HS6ST2: variants seen among roughly 807,000 people sequenced by gnomAD.
HS6ST2 encodes heparan-sulfate 6-O-sulfotransferase 2.
A neutral mutation model predicts 33.0 loss-of-function variants in HS6ST2; 17 were observed. That is an observed-to-expected ratio of 0.52 (90% CI 0.35 to 0.77). HS6ST2 has a LOEUF of 0.77. Among genes scored for constraint, HS6ST2 ranks in the 30% least tolerant of loss-of-function variants. The pLI is 0.01. For synonymous variants in HS6ST2, 248 were observed against 237.1 expected (o/e 1.05, Z -0.42); for missense variants, 519 against 551.7 (o/e 0.94, Z 0.59).
Position 132,755,265 on chromosome X carries a change from T to C in HS6ST2, c.948-46771A>G, listed in dbSNP as rs985748775. Reference sequence around the variant, plus strand: ...TCTCAAGTTTTTATACCTTTGGCTGTTGGTAGCTCTTTTAGTTGGCTCCTG... The same window carrying C: ...TCTCAAGTTTTTATACCTTTGGCTGCTGGTAGCTCTTTTAGTTGGCTCCTG... On this transcript the variant is annotated intron_variant, in intron 2 of 4. Coordinates refer to ENST00000370833, the MANE Select transcript of HS6ST2 (RefSeq NM_001394073.1). 4.5e-5 allele frequency among the ~76,000 whole-genome samples: 5 copies of C among 112,232 alleles called. No homozygotes were observed. The Admixed American group carries it at 4.7e-4, about 11-fold the overall frequency.
intron 2 of HS6ST2, among the ~76,000 whole-genome samples, chrX:132,835,345 A>T (rs1307865134): frequency 9.0e-6 from 1 of 111,685 alleles, no homozygotes; most frequent in Non-Finnish European, 1.9e-5. Flanking sequence ...CAGATGAGTG[A>T]TATAACAGAA....
chrX:132,738,832 G>T, intron 2 of HS6ST2, among the ~76,000 whole-genome samples: 1 of 111,883 alleles, frequency 8.9e-6, no homozygotes, highest in East Asian at 2.8e-4. Flanking sequence ...TCTAAGAGAC[G>T]ATGTATGAGG....
At chrX:132,891,425 T>C (rs960986334) in intron 2 of HS6ST2, among the ~76,000 whole-genome samples, 1 of 108,607 alleles carries the variant, frequency 9.2e-6, no homozygotes, top group African/African-American at 3.4e-5. Context: ...AGGGTACATG[T>C]GCACAATGTG....
intron 2 of HS6ST2, among the ~76,000 whole-genome samples, chrX:132,796,288 G>GT (rs750271071): frequency 7.9e-4 from 88 of 111,684 alleles, no homozygotes; most frequent in African/African-American, 2.6e-3. Context: ...ATGAAAGCTC[G>GT]TTAACTATGA....
intron 2 of HS6ST2, among the ~76,000 whole-genome samples, chrX:132,724,973 C>T (rs1394764751): frequency 8.9e-6 from 1 of 111,869 alleles, no homozygotes; most frequent in Non-Finnish European, 1.9e-5. Context: ...AACTAGACCC[C>T]TATTTCTTGC....
In HS6ST2 at chrX:132,777,902, A is replaced by T. The variant is rs188354992; in HGVS notation, c.948-69408T>A. Among the ~76,000 whole-genome samples, 61 of 112,017 alleles carry T rather than the reference A, an allele frequency of 5.4e-4. 1 individual carries two copies. The highest frequency in any genetic ancestry group is 1.9e-3 in the African/African-American group (60 of 30,870). Reference sequence around the variant, plus strand: ...TGTCGATTATGATGGAACTTGAGAGAACAGTTCTCAGTCTTTCATGTTCCA... The same window carrying T: ...TGTCGATTATGATGGAACTTGAGAGTACAGTTCTCAGTCTTTCATGTTCCA... On this transcript the variant is annotated intron_variant, in intron 2 of 4. Coordinates refer to ENST00000370833, the MANE Select transcript of HS6ST2 (RefSeq NM_001394073.1).
intron 2 of HS6ST2, among the ~76,000 whole-genome samples, chrX:132,774,495 A>G: frequency 8.9e-6 from 1 of 111,835 alleles, no homozygotes; most frequent in Non-Finnish European, 1.9e-5. Flanking sequence ...ATCTGGGGAA[A>G]GCCAGAGTGA....
intron 2 of HS6ST2, among the ~76,000 whole-genome samples, chrX:132,787,182 T>A (rs1023722477): frequency 2.4e-4 from 20 of 81,763 alleles, no homozygotes; most frequent in African/African-American, 1.0e-3. Context: ...TATATATATA[T>A]ATATACATAT....
chrX:132,633,497 A>C (rs1233988347), intron 4 of HS6ST2, among the ~76,000 whole-genome samples: 12 of 110,896 alleles, frequency 1.1e-4, no homozygotes, highest in Non-Finnish European at 7.6e-5. Context: ...AAAGTGACAA[A>C]AGGGATTCGG....
chrX:132,884,800 C>G (rs1395856173), intron 2 of HS6ST2, among the ~76,000 whole-genome samples: 1 of 110,917 alleles, frequency 9.0e-6, no homozygotes, highest in African/African-American at 3.3e-5. Flanking sequence ...GATGAAATGA[C>G]TGGTAAGGAG....
intron 2 of HS6ST2, among the ~76,000 whole-genome samples, chrX:132,830,510 T>G (rs1472798180): frequency 8.9e-6 from 1 of 111,862 alleles, no homozygotes; most frequent in African/African-American, 3.3e-5. Flanking sequence ...AGACTCACAT[T>G]TTTTCCACTG....
chrX:132,850,055 C>T (rs2065787783), intron 2 of HS6ST2, among the ~76,000 whole-genome samples: 1 of 112,211 alleles, frequency 8.9e-6, no homozygotes, highest in South Asian at 3.7e-4. Context: ...AGCACCTCCT[C>T]ATTTTCTACA....
At chrX:132,648,829 G>T (rs1300736472) in intron 4 of HS6ST2, among the ~76,000 whole-genome samples, 1 of 111,689 alleles carries the variant, frequency 9.0e-6, no homozygotes, top group Non-Finnish European at 1.9e-5. Flanking sequence ...CCTTGTGAGT[G>T]GCAAACAAAC....
chrX:132,654,965 A>G (rs1305492008), intron 4 of HS6ST2, among the ~76,000 whole-genome samples: 2 of 112,319 alleles, frequency 1.8e-5, no homozygotes, highest in East Asian at 2.8e-4. Flanking sequence ...CCTCCAGCCG[A>G]GTCTCCAGCT....
At chrX:132,896,397 G>C (rs2066375941) in intron 2 of HS6ST2, among the ~76,000 whole-genome samples, 1 of 108,828 alleles carries the variant, frequency 9.2e-6, no homozygotes, top group Admixed American at 9.8e-5. Flanking sequence ...CATAAACCCA[G>C]GAGGCGGAGC....
upstream of HS6ST2, among the ~76,000 whole-genome samples, chrX:132,959,718 C>T (rs1255819878): frequency 8.9e-6 from 1 of 112,441 alleles, no homozygotes; most frequent in African/African-American, 3.2e-5. Context: ...CCTCCTGAGC[C>T]TCAGTTTTCT....
intron 2 of HS6ST2, among the ~76,000 whole-genome samples, chrX:132,927,453 A>G (rs1439890354): frequency 8.9e-6 from 1 of 111,935 alleles, no homozygotes; most frequent in Non-Finnish European, 1.9e-5. Flanking sequence ...AATATGTCGC[A>G]TATCCTACTG....
chrX:132,825,565 C>G (rs2065509260), intron 2 of HS6ST2, among the ~76,000 whole-genome samples: 2 of 111,523 alleles, frequency 1.8e-5, no homozygotes, highest in African/African-American at 6.5e-5. Flanking sequence ...GTTCTGTATT[C>G]AAAATTTTGC....
At chrX:132,713,386 G>A (rs762172801) in intron 2 of HS6ST2, among the ~76,000 whole-genome samples, 17 of 111,676 alleles carry the variant, frequency 1.5e-4, no homozygotes, top group South Asian at 7.6e-4. Context: ...GTGAGTCTGC[G>A]GCAGGCCTGC....
Sources: allele counts gnomAD v4.1 joint callset (sites outside exome capture counted in the v4.1 genomes callset), GRCh38; gene constraint gnomAD v4.1.1; transcripts MANE v1.5; gene names NCBI Gene and HGNC (gene_info 2026-07-23, HGNC 2026-07-21).